The following COL5A1 variants were observed in gnomAD, a reference collection of about 807,000 sequenced individuals.
The protein encoded by COL5A1 is collagen alpha-1(V) chain.
A neutral mutation model predicts 263.7 loss-of-function variants in COL5A1; 16 were observed. That is an observed-to-expected ratio of 0.06 (90% CI 0.04 to 0.09). The LOEUF (loss-of-function observed/expected upper bound fraction) is 0.09. Ranked by LOEUF, COL5A1 falls within the 10% of genes least tolerant of loss-of-function variation. The pLI is 1.00. For synonymous variants in COL5A1, 1,012 were observed against 1,004.5 expected (o/e 1.01, Z -0.14); for missense variants, 2,036 against 2,540.5 (o/e 0.80, Z 4.27).
At chr9:134,829,912 A>G in intron 63 of COL5A1, 64 bp from the exon 64 acceptor site, 1 of 1,540,970 alleles carries the variant, frequency 6.5e-7, no homozygotes, top group East Asian at 2.3e-5. Flanking sequence ...CTTGCTCTGG[A>G]GGCCGGAGAA....
At position 134,842,238 on chromosome 9, in the gene COL5A1, A is replaced by G. The variant is rs1251114548; in HGVS notation, c.5452A>G (p.Asn1818Asp). The change falls in exon 66 of 66, where the codon AAT becomes GAT. Residue 1818 changes from asparagine (N) to aspartate (D), a missense_variant. By Grantham distance (23) the Asn-to-Asp change is conservative. Around this residue, in one of 3 missense-constraint regions of COL5A1, gnomAD observed 358 missense variants for 384.6 expected, o/e 0.93. Coordinates refer to ENST00000371817, the MANE Select transcript of COL5A1 (RefSeq NM_000093.5). This position sits in a 1 kb window ranked among gnomAD's most constrained non-coding sequence, Gnocchi z 5.8. ...GGTGCCCATCGTGGACATCATGTTCAATGACTTCGGTGAAGCGTCACAGAA... is the reference window on the plus strand; with the variant it reads ...GGTGCCCATCGTGGACATCATGTTCGATGACTTCGGTGAAGCGTCACAGAA... The part of the protein sequence containing the change: ...EQVPIVDIMF[N>D]DFGEASQKFG... The G allele has an allele frequency of 4.3e-6, 7 of 1,614,056 alleles. No homozygotes were observed. Among genetic ancestry groups the G allele is most frequent in the East Asian group, 2.2e-5 (1 of 44,882 alleles).
intron 1 of COL5A1, among the ~76,000 whole-genome samples, chr9:134,670,328 T>C (rs180753536): frequency 5.3e-5 from 8 of 152,346 alleles, no homozygotes; most frequent in Admixed American, 2.0e-4. Context: ...CATAGGGACA[T>C]TTTAAAGCCT....
At chr9:134,671,374 A>G (rs1464597787) in intron 1 of COL5A1, among the ~76,000 whole-genome samples, 3 of 152,142 alleles carry the variant, frequency 2.0e-5, no homozygotes, top group East Asian at 1.9e-4. Flanking sequence ...CAGTACAGTT[A>G]TGTGTTCATT....
intron 63 of COL5A1, among the ~76,000 whole-genome samples, chr9:134,829,280 A>G (rs566748690): frequency 2.8e-3 from 408 of 145,436 alleles, no homozygotes; most frequent in African/African-American, 0.01. Context: ...GGCTCCTCAC[A>G]TGGCCTCCAG....
chr9:134,728,890 T>C (rs1344612027), intron 6 of COL5A1, 83 bp downstream of exon 6: 1 of 1,578,872 alleles, frequency 6.3e-7, no homozygotes, highest in East Asian at 2.2e-5. Context: ...AGAGGTTGTG[T>C]CAGGGTAGAG....
intron 31 of COL5A1, among the ~76,000 whole-genome samples, chr9:134,787,782 A>G (rs78973728): frequency 0.011 from 1,667 of 152,338 alleles, 29 homozygotes; most frequent in African/African-American, 0.037. Context: ...TCACAGTGCA[A>G]TGTTCATGTC....
At chr9:134,679,929 A>T (rs1025193616) in intron 1 of COL5A1, among the ~76,000 whole-genome samples, 1 of 151,752 alleles carries the variant, frequency 6.6e-6, no homozygotes, top group African/African-American at 2.4e-5. Flanking sequence ...GGGCTTGTAC[A>T]TGGGGGGTTT....
At position 134,705,831 on chromosome 9, in the gene COL5A1, T is replaced by C. The variant is rs1173845981; in HGVS notation, c.654+4498T>C. 2.6e-5 allele frequency among the ~76,000 whole-genome samples: 4 copies of C among 152,164 alleles called. No individual in the cohort carries two copies. The South Asian group carries it at 6.2e-4, about 24-fold the overall frequency. ...TTCTGGACTCCCCTTATGAATTAGA[T>C]GCTGTGAGTCCTGCCATAAAGATGA... is the stretch of plus-strand genomic sequence containing the variant. On this transcript the variant is annotated intron_variant, in intron 4 of 65. Coordinates refer to ENST00000371817, the MANE Select transcript of COL5A1 (RefSeq NM_000093.5).
chr9:134,701,011 T>C (rs1833653743), intron 3 of COL5A1, among the ~76,000 whole-genome samples, 160 bp from the exon 4 acceptor site: 1 of 151,728 alleles, frequency 6.6e-6, no homozygotes, highest in African/African-American at 2.4e-5. Flanking sequence ...GGTGTTGCCC[T>C]AACTTGTCTG....
Position 134,727,303 on chromosome 9 carries a change from G to A in COL5A1, c.692G>A (p.Arg231Gln), listed in dbSNP as rs373597685. Residue 231 changes from arginine (R) to glutamine (Q), a missense_variant, in exon 5 of 66, where the codon CGG becomes CAG. Coordinates refer to ENST00000371817, the MANE Select transcript of COL5A1 (RefSeq NM_000093.5). Reference sequence around the variant, plus strand: ...CAGCTGCTCTTTGTCTCGGACCACCGGGCAGCTTATGATTACTGTGAGCAC... The same window carrying A: ...CAGCTGCTCTTTGTCTCGGACCACCAGGCAGCTTATGATTACTGTGAGCAC... ...IQQLLFVSDH[R>Q]AAYDYCEHYS... 1.9e-5 allele frequency: 30 copies of A among 1,613,994 alleles called. No individual in the cohort carries two copies. The highest frequency in any genetic ancestry group is 1.3e-4 in the East Asian group (6 of 44,878).
At chr9:134,699,798 C>A in intron 2 of COL5A1, 111 bp from the exon 3 acceptor site, 1 of 1,034,754 alleles carries the variant, frequency 9.7e-7, no homozygotes, top group Non-Finnish European at 1.5e-6. Context: ...TGCCCCACGA[C>A]GGGCAGCACA....
At position 134,806,259 on chromosome 9, in the gene COL5A1, A is replaced by G. The variant is rs753861088; in HGVS notation, c.3329A>G (p.Gln1110Arg). The change falls in exon 42 of 66, where the codon CAG becomes CGG. Residue 1110 changes from glutamine to arginine, a missense_variant. By Grantham distance (43) the Gln-to-Arg change is conservative. Transcript: ENST00000371817. ...GGAATTCCAGGGAGACCTGGGCCCCAGGGACCCCCAGGGCCGGCAGGAGAG... is the reference window on the plus strand; with the variant it reads ...GGAATTCCAGGGAGACCTGGGCCCCGGGGACCCCCAGGGCCGGCAGGAGAG... ...PIGIPGRPGP[Q>R]GPPGPAGEKG... The G allele has an allele frequency of 3.9e-6, 6 of 1,549,876 alleles. No individual in the cohort carries two copies. The South Asian group carries it at 7.1e-5, about 18-fold the overall frequency.
intron 11 of COL5A1, among the ~76,000 whole-genome samples, chr9:134,740,436 G>A (rs1237705882): frequency 1.3e-5 from 2 of 152,342 alleles, no homozygotes; most frequent in African/African-American, 2.4e-5. Flanking sequence ...GGCTGGGTTC[G>A]TATGCAAAGG....
intron 23 of COL5A1, 40 bp downstream of exon 23, chr9:134,767,093 C>T (rs200781112): frequency 1.2e-5 from 20 of 1,604,574 alleles, no homozygotes; most frequent in East Asian, 2.2e-5. Context: ...GGGATCCGGC[C>T]GTGGGAGGCA....
chr9:134,714,617 A>G (rs368670702), intron 4 of COL5A1, among the ~76,000 whole-genome samples: 25 of 71,266 alleles, frequency 3.5e-4, no homozygotes, highest in South Asian at 1.1e-3. Context: ...TGTGATGCTG[A>G]TGAAGGTGGT....
intron 31 of COL5A1, among the ~76,000 whole-genome samples, 167 bp downstream of exon 31, chr9:134,786,215 C>T (rs1305801143): frequency 1.3e-5 from 2 of 151,742 alleles, no homozygotes; most frequent in South Asian, 2.1e-4. Flanking sequence ...GGGGTTGTAC[C>T]GCCAGGCCTC....
chr9:134,701,992 T>G (rs2132574967), intron 4 of COL5A1, among the ~76,000 whole-genome samples: 1 of 152,302 alleles, frequency 6.6e-6, no homozygotes. Context: ...GTTGAGAGCT[T>G]CTGCAGGTGA....
rs1264883789 is a variant in COL5A1, at chr9:134,680,619, C to A, written c.110-10293C>A. Among the ~76,000 whole-genome samples, 1 of 152,162 alleles carries A rather than the reference C, an allele frequency of 6.6e-6. No homozygotes were observed. Among genetic ancestry groups the A allele is most frequent in the Non-Finnish European group, 1.5e-5 (1 of 68,028 alleles). On this transcript the variant is annotated intron_variant, in intron 1 of 65. Coordinates refer to ENST00000371817, the MANE Select transcript of COL5A1 (RefSeq NM_000093.5). The surrounding 1 kb of genome is among the most constrained non-coding windows in gnomAD (Gnocchi z 5.9). ...AAGTGCAAAAGGCCTTGAGGTGGGG[C>A]CCCAGGGGCTTGGGGAGGGTGGCCA...
intron 1 of COL5A1, among the ~76,000 whole-genome samples, chr9:134,687,451 C>G (rs1026002297): frequency 1.3e-5 from 2 of 149,594 alleles, no homozygotes; most frequent in African/African-American, 4.9e-5. Context: ...ATCCATCCAT[C>G]CATCCATCAT....
Sources: gnomAD v4.1 joint callset for allele counts (sites outside exome capture counted in the v4.1 genomes callset) on GRCh38, gnomAD v4.1.1 for gene constraint, gnomAD v4.1.1 regional missense constraint, Gnocchi (gnomAD v3.1) non-coding constraint, MANE v1.5 for transcripts, NCBI Gene and HGNC (gene_info 2026-07-23, HGNC 2026-07-21) for gene names.